Variants in DHODH observed in about 807,000 individuals in gnomAD.
DHODH encodes dihydroorotate dehydrogenase (quinone).
DHODH carries 30 observed loss-of-function variants against 39.7 expected under a neutral mutation model. The observed-to-expected ratio is 0.76, with a 90% CI of 0.57 to 1.02. The LOEUF is 1.02. Ranked by LOEUF, DHODH falls within the 50% of genes least tolerant of loss-of-function variation. DHODH has a pLI of 0.00. For synonymous variants in DHODH, 222 were observed against 213.8 expected (o/e 1.04, Z -0.34); for missense variants, 531 against 520.8 (o/e 1.02, Z -0.19).
chr16:72,013,394 CTG>C (rs2041106337), intron 2 of DHODH, among the ~76,000 whole-genome samples: 1 of 152,170 alleles, frequency 6.6e-6, no homozygotes. Flanking sequence ...AGGGTGCAAG[CTG>C]TGTCTGTATA....
chr16:72,023,584 G>A lies in DHODH; in HGVS notation c.1084G>A (p.Gly362Arg). The A allele has an allele frequency of 6.2e-7, 1 of 1,614,098 alleles. No homozygotes were observed. The highest frequency in any genetic ancestry group is 8.5e-7 in the Non-Finnish European group (1 of 1,180,042). The change falls in exon 8 of 9, where the codon GGG becomes AGG. Residue 362 changes from glycine to arginine, a missense_variant. Gly to Arg is a moderately radical substitution (Grantham distance 125). Transcript: ENST00000219240. ...GCTGTACACGGCCCTCACCTTCTGG[G>A]GGCCACCCGTTGTGGGCAAAGTCAA... ...VQLYTALTFW[G>R]PPVVGKVKRE... is the part of the protein sequence containing the mutation.
intron 4 of DHODH, among the ~76,000 whole-genome samples, chr16:72,019,998 C>T (rs1373154310): frequency 6.6e-6 from 1 of 151,658 alleles, no homozygotes; most frequent in Non-Finnish European, 1.5e-5. Context: ...AAAAATTAGG[C>T]CGGTTGCAGT....
Position 72,024,185 on chromosome 16 carries a change from G to T in DHODH, c.1174G>T (p.Asp392Tyr). 1 of 1,614,218 alleles carries T rather than the reference G, an allele frequency of 6.2e-7. No individual in the cohort carries two copies. Among genetic ancestry groups the T allele is most frequent in the Non-Finnish European group, 8.5e-7 (1 of 1,180,036 alleles). The change falls in exon 9 of 9, where the codon GAT (aspartate) becomes TAT (tyrosine). Residue 392 changes from aspartate to tyrosine, a missense_variant. Physicochemically the swap from Asp to Tyr is radical, Grantham distance 160 (BLOSUM62 -3). Coordinates refer to ENST00000219240, the MANE Select transcript of DHODH (RefSeq NM_001361.5). ...CGGAGTCACAGATGCCATTGGAGCA[G>T]ATCATCGGAGGTGAGGACAGCGTCT... The part of the protein sequence containing the change: ...FGGVTDAIGA[D>Y]HRR
Position 72,012,052 on chromosome 16 carries a change from G to T in DHODH, c.24G>T (p.Lys8Asn). The T allele has an allele frequency of 6.2e-7, 1 of 1,613,950 alleles. No homozygotes were observed. Reference protein sequence around the residue: MAWRHLKKRAQDAVIILG... With the variant: MAWRHLKNRAQDAVIILG... ...CCCTAATATGCTCTTTTTTGCAGAA[G>T]CGGGCCCAGGATGCTGTGATCATCC... Residue 8 changes from lysine to asparagine, a missense_variant and splice_region_variant, in exon 2 of 9, where the codon AAG (lysine) becomes AAT (asparagine). Coordinates refer to ENST00000219240, the MANE Select transcript of DHODH (RefSeq NM_001361.5).
At chr16:72,008,806 G>A (rs1193348150) in intron 1 of DHODH, 21 bp downstream of exon 1, 2 of 1,552,512 alleles carry the variant, frequency 1.3e-6, no homozygotes, top group Non-Finnish European at 1.7e-6. Flanking sequence ...CGAGTGAGCA[G>A]TGTGGATGGG....
chr16:72,018,994 G>A (rs532875641), intron 4 of DHODH, among the ~76,000 whole-genome samples: 4 of 152,282 alleles, frequency 2.6e-5, no homozygotes, highest in South Asian at 2.1e-4. Flanking sequence ...AGAGTCTCCC[G>A]CTATTGCCCA....
intron 4 of DHODH, among the ~76,000 whole-genome samples, chr16:72,018,788 A>G (rs761980293): frequency 1.6e-4 from 24 of 152,194 alleles, no homozygotes; most frequent in Non-Finnish European, 2.6e-4. Flanking sequence ...TCTAACTCCC[A>G]AATCTTGTCA....
Position 72,014,475 on chromosome 16 carries a change from A to G in DHODH, c.237A>G (p.Glu79=). The change falls in exon 3 of 9, where the codon GAA becomes GAG. Residue 79 remains glutamate, a splice_region_variant and synonymous_variant. Coordinates refer to ENST00000219240, the MANE Select transcript of DHODH (RefSeq NM_001361.5). Reference sequence around the variant, plus strand: ...TGACTTTGTCTTCCTCTTCCCAGGAAGTGAGAGTTCTGGGCCATAAATTCC... The same window carrying G: ...TGACTTTGTCTTCCTCTTCCCAGGAGGTGAGAGTTCTGGGCCATAAATTCC... ...RARFQDSDML[E]VRVLGHKFRN... 1 of 1,614,124 alleles carries G rather than the reference A, an allele frequency of 6.2e-7. No individual in the cohort carries two copies. Among genetic ancestry groups the G allele is most frequent in the Non-Finnish European group, 8.5e-7 (1 of 1,179,972 alleles).
At chr16:72,012,017 TG>T (rs749273302) in intron 1 of DHODH, 32 bp from the exon 2 acceptor site, 4 of 1,604,398 alleles carry the variant, frequency 2.5e-6, no homozygotes, top group Non-Finnish European at 2.6e-6. Context: ...CAGCCTGGCC[TG>T]GGGGACCCCC....
chr16:72,012,895 T>C (rs2041100028), intron 2 of DHODH, among the ~76,000 whole-genome samples: 1 of 151,990 alleles, frequency 6.6e-6, no homozygotes, highest in Non-Finnish European at 1.5e-5. Context: ...CAGAGGCCAG[T>C]GTCAGCGGAA....
At position 72,021,139 on chromosome 16, in the gene DHODH, G is replaced by T. The variant is rs1289510239; in HGVS notation, c.533G>T (p.Gly178Val). Residue 178 changes from glycine to valine, a missense_variant, in exon 5 of 9, where the codon GGG becomes GTG. Transcript: ENST00000219240. ...ATGTTTGCAGATGGACTGCCTCTGG[G>T]GGTCAACTTGGGGAAGAACAAGACC... Reference protein sequence around the residue: ...AKLTEDGLPLGVNLGKNKTSV... With the variant: ...AKLTEDGLPLVVNLGKNKTSV... The T allele has an allele frequency of 1.2e-6, 2 of 1,607,480 alleles. No homozygotes were observed. The highest frequency in any genetic ancestry group is 1.1e-5 in the South Asian group (1 of 89,874).
At position 72,024,981 on chromosome 16, in the gene DHODH, C is replaced by T. The variant is rs2041263710; in HGVS notation, c.*782C>T. 1 of 152,208 alleles carries T rather than the reference C, an allele frequency of 6.6e-6. No homozygotes were observed. Among genetic ancestry groups the T allele is most frequent in the Non-Finnish European group, 1.5e-5 (1 of 68,054 alleles). 9.4% of individuals were successfully genotyped at this position (152,208 alleles called of 1,614,324 possible). A position where few individuals can be genotyped will look rare whatever the true frequency, so the allele number is the denominator to read the frequency against. On this transcript the variant is annotated 3_prime_UTR_variant, in exon 9 of 9. Coordinates refer to ENST00000219240, the MANE Select transcript of DHODH (RefSeq NM_001361.5). ...AAGACTCTGTCACACACAAAACAAA[C>T]AAACAAATTTTCCCGTTTCTCTCTG...
chr16:72,021,057 G>C (rs1340795493), intron 4 of DHODH, 67 bp from the exon 5 acceptor site: 1 of 1,501,432 alleles, frequency 6.7e-7, no homozygotes, highest in African/African-American at 1.4e-5. Context: ...GTTTGGTCAA[G>C]GGCAGCCTCA....
intron 3 of DHODH, among the ~76,000 whole-genome samples, chr16:72,015,461 AC>A: frequency 6.6e-6 from 1 of 152,378 alleles, no homozygotes; most frequent in South Asian, 2.1e-4. Context: ...AATTTTTACT[AC>A]AGCAAACCCA....
rs1444548115 is a variant in DHODH at position 72,023,609 on chromosome 16, A to T, written c.1109A>T (p.Lys370Met). 1.2e-6 allele frequency: 2 copies of T among 1,613,970 alleles called. No homozygotes were observed. The highest frequency in any genetic ancestry group is 2.7e-5 in the African/African-American group (2 of 74,936). ...FWGPPVVGKVKRELEALLKEQ... is the reference protein window; with the variant it reads ...FWGPPVVGKVMRELEALLKEQ... The stretch of plus-strand genomic sequence containing the variant: ...GGGCCACCCGTTGTGGGCAAAGTCA[A>T]GCGGGAACTGGAGGCCCTTCTGAAG... Residue 370 changes from lysine to methionine, a missense_variant, in exon 8 of 9, where the codon AAG becomes ATG. Transcript: ENST00000219240.
At chr16:72,013,159 C>G (rs1342984072) in intron 2 of DHODH, among the ~76,000 whole-genome samples, 2 of 146,940 alleles carry the variant, frequency 1.4e-5, no homozygotes, top group Non-Finnish European at 3.0e-5. Context: ...CTACCTTAGA[C>G]TCCTCTTCAC....
At chr16:72,012,434 A>G (rs1226979174) in intron 2 of DHODH, among the ~76,000 whole-genome samples, 172 bp downstream of exon 2, 1 of 152,224 alleles carries the variant, frequency 6.6e-6, no homozygotes, top group East Asian at 1.9e-4. Context: ...AACGATGATT[A>G]TCTATTACGT....
rs2041254629 is a variant in DHODH, at chr16:72,024,154, C to T, written c.1143C>T (p.Gly381=). The part of the protein sequence containing the change: ...RELEALLKEQ[G]FGGVTDAIGA... ...TTTGCTCTTTTTCCAGAGAGCAGGGCTTTGGCGGAGTCACAGATGCCATTG... is the reference window on the plus strand; with the variant it reads ...TTTGCTCTTTTTCCAGAGAGCAGGGTTTTGGCGGAGTCACAGATGCCATTG... The change falls in exon 9 of 9, where the codon GGC becomes GGT. Residue 381 remains glycine, a synonymous_variant. Coordinates refer to ENST00000219240, the MANE Select transcript of DHODH (RefSeq NM_001361.5). 6.2e-7 allele frequency: 1 copy of T among 1,614,082 alleles called. No homozygotes were observed. Among genetic ancestry groups the T allele is most frequent in the Non-Finnish European group, 8.5e-7 (1 of 1,180,046 alleles).
intron 4 of DHODH, chr16:72,020,333 A>ATATATATATATGTG (rs1567572731): frequency 3.3e-5 from 3 of 91,846 alleles, no homozygotes; most frequent in African/African-American, 1.4e-4. Flanking sequence ...ATATGTGTAT[A>ATATATATATATGTG]TATATATATA....
Sources: allele counts gnomAD v4.1 joint callset (sites outside exome capture counted in the v4.1 genomes callset), GRCh38; gene constraint gnomAD v4.1.1; transcripts MANE v1.5; gene names NCBI Gene and HGNC (gene_info 2026-07-23, HGNC 2026-07-21).